Variants in PARD3B observed in about 807,000 individuals in gnomAD.
PARD3B encodes the protein par-3 family cell polarity regulator beta.
A neutral mutation model predicts 130.2 loss-of-function variants in PARD3B; 103 were observed. The ratio of observed to expected loss-of-function variants is 0.79; its 90% CI spans 0.67 to 0.93. The LOEUF (loss-of-function observed/expected upper bound fraction) is 0.93, where lower values mean the gene tolerates loss of function less well. Ranked by LOEUF, PARD3B falls within the 40% of genes least tolerant of loss-of-function variation. The pLI is 0.00. For missense variants in PARD3B, 1,609 were observed against 1,499.2 expected, an observed-to-expected ratio of 1.07 and a Z score of -1.21; for synonymous variants, 583 against 553.2, an observed-to-expected ratio of 1.05 and a Z score of -0.76.
intron 2 of PARD3B, among the ~76,000 whole-genome samples, chr2:204,922,383 A>G (rs992096682): frequency 1.3e-5 from 2 of 152,188 alleles, no homozygotes; most frequent in Non-Finnish European, 2.9e-5. Context: ...AGCTGGTGGT[A>G]GAAGGTAGTC....
At chr2:204,688,305 C>T (rs1201354824) in intron 2 of PARD3B, among the ~76,000 whole-genome samples, 1 of 152,008 alleles carries the variant, frequency 6.6e-6, no homozygotes, top group Non-Finnish European at 1.5e-5. Flanking sequence ...ACGTAAGTGG[C>T]ACGGTGGCTC....
chr2:204,804,061 C>A lies in PARD3B; in HGVS notation c.222+117779C>A, dbSNP rs373715847. 3.6e-4 allele frequency among the ~76,000 whole-genome samples: 54 copies of A among 152,068 alleles called. No individual in the cohort carries two copies. In the South Asian group the frequency reaches 6.9e-3, roughly 19 times the overall value. ...AAACCCTGTCTACCAGAAAAAACAA[C>A]AACAACAAAAAAATAAATTAGCCAG... On this transcript the variant is annotated intron_variant, in intron 2 of 22. Coordinates refer to ENST00000406610, the MANE Select transcript of PARD3B (RefSeq NM_001302769.2).
chr2:204,707,064 T>A (rs190298804), intron 2 of PARD3B, among the ~76,000 whole-genome samples: 12 of 152,314 alleles, frequency 7.9e-5, no homozygotes, highest in Non-Finnish European at 1.5e-4. Flanking sequence ...GTAGCAGGAT[T>A]TTTTTGAGCA....
intron 15 of PARD3B, among the ~76,000 whole-genome samples, chr2:205,223,525 G>A (rs1332428983): frequency 1.3e-5 from 2 of 152,276 alleles, no homozygotes; most frequent in East Asian, 3.9e-4. Context: ...AAGACAGCAT[G>A]TATGTTGTCA....
intron 4 of PARD3B, among the ~76,000 whole-genome samples, chr2:205,098,902 G>T (rs1385104766): frequency 6.6e-6 from 1 of 152,094 alleles, no homozygotes; most frequent in African/African-American, 2.4e-5. Flanking sequence ...ACTCATTTTG[G>T]CTGTCAGAAA....
chr2:204,567,967 T>C (rs1379504534), intron 1 of PARD3B, among the ~76,000 whole-genome samples: 1 of 152,218 alleles, frequency 6.6e-6, no homozygotes, highest in Admixed American at 6.5e-5. Context: ...TAGATATTTA[T>C]TTTAGAATGA....
In PARD3B at chr2:204,954,126, A is replaced by G. The variant is rs555675497; in HGVS notation, c.223-11026A>G. On this transcript the variant is annotated intron_variant, in intron 2 of 22. Transcript: ENST00000406610. ...TGCTCCCAAAGTCAGCACCCATCCCAGCAGGGTTAGCCATATTATCACTAG... is the reference window on the plus strand; with the variant it reads ...TGCTCCCAAAGTCAGCACCCATCCCGGCAGGGTTAGCCATATTATCACTAG... Among the ~76,000 whole-genome samples, 85 of 152,296 alleles carry G rather than the reference A, an allele frequency of 5.6e-4. 1 individual carries two copies. The South Asian group carries it at 5.8e-3, about 10-fold the overall frequency.
intron 19 of PARD3B, among the ~76,000 whole-genome samples, chr2:205,438,865 G>A (rs1429888833): frequency 1.3e-5 from 2 of 152,088 alleles, no homozygotes; most frequent in Non-Finnish European, 2.9e-5. Context: ...ATATATCCTG[G>A]CATTTGTTTT....
At chr2:205,082,421 T>A (rs1394199269) in intron 4 of PARD3B, among the ~76,000 whole-genome samples, 1 of 152,204 alleles carries the variant, frequency 6.6e-6, no homozygotes, top group Non-Finnish European at 1.5e-5. Flanking sequence ...ATAAAAGTCA[T>A]GGAAATGTGT....
chr2:204,877,925 C>G (rs1307548563), intron 2 of PARD3B, among the ~76,000 whole-genome samples: 2 of 152,162 alleles, frequency 1.3e-5, no homozygotes, highest in Non-Finnish European at 2.9e-5. Context: ...AACTGAGTAA[C>G]TAACTTCCTC....
intron 1 of PARD3B, among the ~76,000 whole-genome samples, chr2:204,596,421 C>G (rs2033291355): frequency 6.6e-6 from 1 of 152,044 alleles, no homozygotes; most frequent in Non-Finnish European, 1.5e-5. Flanking sequence ...AATAGTGGAG[C>G]CATACTGAAA....
chr2:204,803,577 A>G (rs2042653247), intron 2 of PARD3B, among the ~76,000 whole-genome samples: 1 of 152,184 alleles, frequency 6.6e-6, no homozygotes, highest in Non-Finnish European at 1.5e-5. Context: ...GTTAAAGCCT[A>G]CAGTTTTTAT....
At chr2:205,228,992 G>A (rs1274092991) in intron 15 of PARD3B, among the ~76,000 whole-genome samples, 1 of 152,134 alleles carries the variant, frequency 6.6e-6, no homozygotes, top group Non-Finnish European at 1.5e-5. Context: ...TATCTGATAG[G>A]AGTCTGAATG....
At position 205,341,817 on chromosome 2, in the gene PARD3B, T is replaced by TTTATATGTGCATA. The variant is rs2043541813; in HGVS notation, c.2630+40117_2630+40118insTATATGTGCATAT. 6.6e-6 allele frequency among the ~76,000 whole-genome samples: 1 copy of TTTATATGTGCATA among 152,154 alleles called. No homozygotes were observed. Among genetic ancestry groups the TTTATATGTGCATA allele is most frequent in the African/African-American group, 2.4e-5 (1 of 41,458 alleles). ...TGTCATTATACATTATATGTGCATA[T>TTTATATGTGCATA]TAAAATATCACTCTGTATTACTCCT... On this transcript the variant is annotated intron_variant, in intron 18 of 22. Coordinates refer to ENST00000406610, the MANE Select transcript of PARD3B (RefSeq NM_001302769.2). This position sits in a 1 kb window ranked among gnomAD's most constrained non-coding sequence, Gnocchi z 4.3.
chr2:204,830,836 AGG>A (rs2043792223), intron 2 of PARD3B, among the ~76,000 whole-genome samples: 1 of 152,180 alleles, frequency 6.6e-6, no homozygotes, highest in Non-Finnish European at 1.5e-5. Flanking sequence ...AGCCCAAGGG[AGG>A]AGAACACTTA....
chr2:205,453,817 T>A (rs1288616288), intron 20 of PARD3B, among the ~76,000 whole-genome samples: 1 of 152,196 alleles, frequency 6.6e-6, no homozygotes, highest in Non-Finnish European at 1.5e-5. Context: ...TTGTTGCAGT[T>A]GTACATGTAT....
intron 20 of PARD3B, among the ~76,000 whole-genome samples, chr2:205,444,292 G>GA (rs948421370): frequency 2.0e-5 from 3 of 149,578 alleles, no homozygotes; most frequent in Non-Finnish European, 3.0e-5. Flanking sequence ...CTCTACAAAA[G>GA]TTTTTTTTTT....
chr2:205,608,616 C>G (rs960565672), intron 22 of PARD3B, among the ~76,000 whole-genome samples: 1 of 152,276 alleles, frequency 6.6e-6, no homozygotes, highest in African/African-American at 2.4e-5. Flanking sequence ...TTAAAAACCT[C>G]TCATCCCCTC....
rs71032461 is a variant in PARD3B, at chr2:205,322,889, C to CTTTTTTTTTT, written c.2630+21221_2630+21230dup. On this transcript the variant is annotated intron_variant, in intron 18 of 22. Coordinates refer to ENST00000406610, the MANE Select transcript of PARD3B (RefSeq NM_001302769.2). ...TGTTGTTATATCATTATTAACACCT[C>CTTTTTTTTTT]TTTTTTTTTTTTTTTTTTTTTTTTT... Among the ~76,000 whole-genome samples, 30 of 51,468 alleles carry CTTTTTTTTTT rather than the reference C, an allele frequency of 5.8e-4. 3 individuals are homozygous for CTTTTTTTTTT. Among genetic ancestry groups the CTTTTTTTTTT allele is most frequent in the Non-Finnish European group, 8.4e-4 (22 of 26,334 alleles). The allele number at this position is 51,468 out of a possible 152,430, so 33.8% of individuals were successfully genotyped here. A position where few individuals can be genotyped will look rare whatever the true frequency, so the allele number is the denominator to read the frequency against.
Sources: gnomAD v4.1 joint callset for allele counts (sites outside exome capture counted in the v4.1 genomes callset) on GRCh38, gnomAD v4.1.1 for gene constraint, Gnocchi (gnomAD v3.1) non-coding constraint, MANE v1.5 for transcripts, NCBI Gene and HGNC (gene_info 2026-07-23, HGNC 2026-07-21) for gene names.